Variants in FRYL observed in about 807,000 individuals in gnomAD.
The protein encoded by FRYL is protein furry homolog-like.
In FRYL, 150 loss-of-function variants were observed where a neutral mutation model predicts 351.2. The ratio of observed to expected loss-of-function variants is 0.43; its 90% CI spans 0.37 to 0.49. The LOEUF is 0.49. Ranked by LOEUF, FRYL falls within the 20% of genes least tolerant of loss-of-function variation. The probability of loss-of-function intolerance (pLI) is 0.00; values close to 1 mark genes in which losing one functional copy is unlikely to be tolerated. For missense variants in FRYL, 3,036 were observed against 3,619.3 expected (o/e 0.84, Z 4.13); for synonymous variants, 1,153 against 1,257.1 (o/e 0.92, Z 1.75).
At chr4:48,606,865 C>T (rs2149267966) in intron 9 of FRYL, among the ~76,000 whole-genome samples, 1 of 152,230 alleles carries the variant, frequency 6.6e-6, no homozygotes, top group East Asian at 1.9e-4. Context: ...TATCAAGACA[C>T]CACCATTACC....
intron 11 of FRYL, among the ~76,000 whole-genome samples, chr4:48,603,894 CACAG>C (rs1194738823): frequency 6.6e-6 from 1 of 152,164 alleles, no homozygotes; most frequent in Non-Finnish European, 1.5e-5. Context: ...AAGCTCTTCC[CACAG>C]ACACAGGAAG....
chr4:48,713,989 A>G (rs1324980490), intron 1 of FRYL, among the ~76,000 whole-genome samples: 2 of 151,962 alleles, frequency 1.3e-5, no homozygotes, highest in East Asian at 1.9e-4. Context: ...GCTCAACTAC[A>G]TGGAAACTGA....
chr4:48,501,555 A>T, intron 62 of FRYL, 68 bp downstream of exon 62: 2 of 840,480 alleles, frequency 2.4e-6, no homozygotes, highest in Non-Finnish European at 4.0e-6. Context: ...TATTTTAACA[A>T]GTAATAGATT....
chr4:48,605,070 C>A (rs182669284), intron 11 of FRYL, among the ~76,000 whole-genome samples: 2 of 152,264 alleles, frequency 1.3e-5, no homozygotes, highest in African/African-American at 4.8e-5. Flanking sequence ...AGCCTGTTTT[C>A]TTTTTTATAA....
chr4:48,601,939 C>T, intron 13 of FRYL, 81 bp downstream of exon 13: 1 of 760,588 alleles, frequency 1.3e-6, no homozygotes, highest in Admixed American at 2.4e-5. Flanking sequence ...ACAAAAGTTT[C>T]ATTATGCACT....
rs750114926 is a variant in FRYL at position 48,540,078 on chromosome 4, CA to C, written c.6296-11del. 32 of 1,577,734 alleles carry C rather than the reference CA, an allele frequency of 2.0e-5. No homozygotes were observed. In the Middle Eastern group the frequency reaches 5.0e-4, roughly 25 times the overall value. ...ATGTTAAGAGGAAAGCCTATCAAAA[CA>C]AAAAAAAGCAAACAATAACCAATTT... On this transcript the variant is annotated splice_polypyrimidine_tract_variant and intron_variant, in intron 46 of 63. Transcript: ENST00000358350.
intron 1 of FRYL, among the ~76,000 whole-genome samples, chr4:48,714,568 C>A (rs1372364835): frequency 1.3e-5 from 2 of 149,326 alleles, no homozygotes; most frequent in African/African-American, 4.9e-5. Context: ...CAAGACTAAA[C>A]CAGGAAGAAG....
chr4:48,554,482 G>A (rs1040916649), intron 35 of FRYL, among the ~76,000 whole-genome samples: 10 of 152,254 alleles, frequency 6.6e-5, no homozygotes, highest in African/African-American at 2.4e-4. Flanking sequence ...GGGATTACAG[G>A]TGCCTGCCGC....
chr4:48,518,240 A>G (rs1336731848), intron 55 of FRYL, among the ~76,000 whole-genome samples: 1 of 152,200 alleles, frequency 6.6e-6, no homozygotes, highest in Non-Finnish European at 1.5e-5. Context: ...ACCTCCCAAC[A>G]ACTGAAAGGA....
intron 3 of FRYL, among the ~76,000 whole-genome samples, chr4:48,656,317 C>CATAATATATACAAAATATATTAT (rs1758981553): frequency 1.9e-5 from 1 of 53,954 alleles, no homozygotes; most frequent in Non-Finnish European, 3.5e-5. Context: ...TTATATATTA[C>CATAATATATACAAAATATATTAT]ATAATATATA....
chr4:48,616,687 A>C (rs535370448), intron 7 of FRYL, among the ~76,000 whole-genome samples: 7 of 152,342 alleles, frequency 4.6e-5, no homozygotes, highest in African/African-American at 1.7e-4. Context: ...TCAAGATACA[A>C]ATAATTTCTA....
chr4:48,602,214 G>A, intron 12 of FRYL, 93 bp from the exon 13 acceptor site: 1 of 670,214 alleles, frequency 1.5e-6, no homozygotes. Flanking sequence ...CATAAGCAAG[G>A]AAACAAATCT....
At chr4:48,565,789 AAGC>A in intron 28 of FRYL, 98 bp from the exon 29 acceptor site, 2 of 1,218,948 alleles carry the variant, frequency 1.6e-6, no homozygotes, top group Non-Finnish European at 2.3e-6. Flanking sequence ...GTAAAAAAGA[AAGC>A]AGAAGTTTTC....
At chr4:48,656,926 C>T (rs990912178) in intron 3 of FRYL, among the ~76,000 whole-genome samples, 1 of 152,046 alleles carries the variant, frequency 6.6e-6, no homozygotes, top group Non-Finnish European at 1.5e-5. Flanking sequence ...GAGCCTCATT[C>T]TCTCAACTCA....
intron 19 of FRYL, among the ~76,000 whole-genome samples, chr4:48,585,385 G>C (rs1169640527): frequency 6.6e-6 from 1 of 152,188 alleles, no homozygotes; most frequent in East Asian, 1.9e-4. Flanking sequence ...TAGTGCCAGG[G>C]TGTGTGAAAA....
In FRYL at chr4:48,561,393, T is replaced by C; in HGVS notation, c.3865+75A>G. The C allele has an allele frequency of 3.0e-6, 3 of 997,704 alleles. No individual in the cohort carries two copies. In the South Asian group the frequency reaches 8.6e-5, roughly 29 times the overall value. The allele number at this position is 997,704 out of a possible 1,614,324, so 61.8% of individuals were successfully genotyped here. ...TTGATTTAACCTGTAATTTAATAAA[T>C]TTATAATTTTCTAAAAATTGTTTCT... On this transcript the variant is annotated intron_variant, in intron 33 of 63. Transcript: ENST00000358350.
intron 7 of FRYL, among the ~76,000 whole-genome samples, chr4:48,610,707 TATATATTATATAC>T (rs1264374660): frequency 7.6e-5 from 11 of 144,520 alleles, no homozygotes; most frequent in Middle Eastern, 3.6e-3. Flanking sequence ...ATTATATACA[TATATATTATATAC>T]ATATATTATA....
chr4:48,502,762 A>G, intron 61 of FRYL, 66 bp downstream of exon 61: 1 of 1,270,766 alleles, frequency 7.9e-7, no homozygotes, highest in Non-Finnish European at 1.1e-6. Context: ...AAATGGACAA[A>G]TGGCAGATGA....
chr4:48,653,891 T>G lies in FRYL; in HGVS notation c.-80-19401A>C, dbSNP rs772661044. On this transcript the variant is annotated intron_variant, in intron 3 of 63. Coordinates refer to ENST00000358350, the MANE Select transcript of FRYL (RefSeq NM_015030.2). ...TTCTGTCTCTCCAAGCCGCTGTCCC[T>G]TCTCTTCTCACAGGCAGCAGAGTTT... The G allele has an allele frequency of 7.1e-5, 90 of 1,265,002 alleles. 1 individual carries two copies. In the Middle Eastern group the frequency reaches 1.6e-3, roughly 23 times the overall value. 78.4% of individuals were successfully genotyped at this position (1,265,002 alleles called of 1,614,324 possible).
Sources: allele counts gnomAD v4.1 joint callset (sites outside exome capture counted in the v4.1 genomes callset), GRCh38; gene constraint gnomAD v4.1.1; transcripts MANE v1.5; gene names NCBI Gene and HGNC (gene_info 2026-07-23, HGNC 2026-07-21).